Variants in FAM13A observed in about 807,000 individuals in gnomAD.
FAM13A encodes the protein family with sequence similarity 13 member A, also known as protein FAM13A.
Under a neutral mutation model 129.6 loss-of-function variants are expected in FAM13A, and 76 were observed. That is an observed-to-expected ratio of 0.59 (90% CI 0.49 to 0.71). The LOEUF is 0.71. Among genes scored for constraint, FAM13A ranks in the 30% least tolerant of loss-of-function variants. The pLI is 0.00. For missense variants in FAM13A, 1,108 were observed against 1,249.3 expected, an observed-to-expected ratio of 0.89 and a Z score of 1.70; for synonymous variants, 443 against 449.9, an observed-to-expected ratio of 0.98 and a Z score of 0.20.
chr4:88,909,485 G>A (rs973707655), intron 5 of FAM13A, among the ~76,000 whole-genome samples: 4 of 151,774 alleles, frequency 2.6e-5, no homozygotes, highest in African/African-American at 7.3e-5. Context: ...ATGTACATGA[G>A]GTTTTTTATT....
At chr4:88,830,756 A>T (rs943843244) in intron 7 of FAM13A, among the ~76,000 whole-genome samples, 2 of 152,120 alleles carry the variant, frequency 1.3e-5, no homozygotes, top group Non-Finnish European at 2.9e-5. Context: ...GTCAGTGAAG[A>T]GGGGAGGGAA....
intron 4 of FAM13A, among the ~76,000 whole-genome samples, chr4:88,967,801 C>A (rs1759542008): frequency 6.6e-6 from 1 of 152,098 alleles, no homozygotes; most frequent in South Asian, 2.1e-4. Flanking sequence ...GTAATGGGGA[C>A]AGAGAGGAAG....
chr4:89,052,681 T>A (rs1476352994), intron 1 of FAM13A, among the ~76,000 whole-genome samples: 1 of 152,082 alleles, frequency 6.6e-6, no homozygotes, highest in Non-Finnish European at 1.5e-5. Context: ...AATTTCCTTA[T>A]AAAACAATGG....
intron 8 of FAM13A, among the ~76,000 whole-genome samples, chr4:88,797,565 T>C (rs1055774779): frequency 1.7e-4 from 26 of 152,308 alleles, no homozygotes; most frequent in Admixed American, 5.2e-4. Flanking sequence ...GTGTCCAGCC[T>C]GTCACGTAGT....
At chr4:88,959,016 C>T (rs572006329) in intron 4 of FAM13A, among the ~76,000 whole-genome samples, 97 of 152,252 alleles carry the variant, frequency 6.4e-4, no homozygotes, top group Admixed American at 1.6e-3. Context: ...TTCACACTTG[C>T]TTTTGGTTGA....
chr4:88,994,328 C>A (rs1441665342), intron 3 of FAM13A, among the ~76,000 whole-genome samples: 1 of 152,282 alleles, frequency 6.6e-6, no homozygotes, highest in South Asian at 2.1e-4. Flanking sequence ...TATGTATCTG[C>A]ATTTTGTAAA....
chr4:88,764,735 A>G (rs1745417811), intron 13 of FAM13A, among the ~76,000 whole-genome samples: 1 of 152,166 alleles, frequency 6.6e-6, no homozygotes, highest in Non-Finnish European at 1.5e-5. Flanking sequence ...CCCAGATAGG[A>G]TATTTTATTA....
At position 88,916,973 on chromosome 4, in the gene FAM13A, G is replaced by T. The variant is rs527459670; in HGVS notation, c.760-10511C>A. Among the ~76,000 whole-genome samples, 38 of 152,276 alleles carry T rather than the reference G, an allele frequency of 2.5e-4. No homozygotes were observed. The South Asian group carries it at 7.9e-3, about 32-fold the overall frequency. ...TATTTTTAAAGCTCATAGAATACCA[G>T]CTGGCTAATAGGCATTCAATAAATG... On this transcript the variant is annotated intron_variant, in intron 5 of 23. Coordinates refer to ENST00000264344, the MANE Select transcript of FAM13A (RefSeq NM_014883.4).
intron 4 of FAM13A, among the ~76,000 whole-genome samples, chr4:88,974,572 G>C (rs569045339): frequency 1.1e-3 from 164 of 152,106 alleles, no homozygotes; most frequent in Non-Finnish European, 2.2e-3. Context: ...CCGCCTCCTG[G>C]GTTCATGCAA....
At chr4:88,907,541 A>T (rs538478485) in intron 5 of FAM13A, among the ~76,000 whole-genome samples, 1 of 152,364 alleles carries the variant, frequency 6.6e-6, no homozygotes, top group East Asian at 1.9e-4. Flanking sequence ...CTTATTATTA[A>T]TAAAGATTGA....
At chr4:88,977,994 T>C (rs891123428) in intron 4 of FAM13A, among the ~76,000 whole-genome samples, 1 of 152,182 alleles carries the variant, frequency 6.6e-6, no homozygotes, top group Non-Finnish European at 1.5e-5. Flanking sequence ...CAAGGAATAA[T>C]AGACTTCACA....
intron 5 of FAM13A, chr4:88,936,451 T>G (rs1034195320): frequency 2.6e-5 from 4 of 152,200 alleles, no homozygotes; most frequent in Admixed American, 6.5e-5. Context: ...GCCACACACT[T>G]TTAAACAAGC....
At chr4:88,962,372 A>G (rs2148919693) in intron 4 of FAM13A, among the ~76,000 whole-genome samples, 1 of 152,352 alleles carries the variant, frequency 6.6e-6, no homozygotes, top group South Asian at 2.1e-4. Context: ...GGGATTTACT[A>G]AAGGAGAGTC....
intron 4 of FAM13A, among the ~76,000 whole-genome samples, chr4:88,940,030 G>C (rs184288260): frequency 8.3e-4 from 126 of 152,330 alleles, no homozygotes; most frequent in Non-Finnish European, 1.5e-3. Context: ...CCAGATTCCT[G>C]ACCCCTAGAA....
At chr4:88,951,626 A>G (rs977244877) in intron 4 of FAM13A, among the ~76,000 whole-genome samples, 2 of 152,154 alleles carry the variant, frequency 1.3e-5, no homozygotes, top group African/African-American at 4.8e-5. Context: ...AGACATAACA[A>G]TACATTTTCA....
chr4:89,056,888 T>C (rs973453854), intron 1 of FAM13A, 50 bp downstream of exon 1: 5 of 1,566,682 alleles, frequency 3.2e-6, no homozygotes, highest in African/African-American at 1.4e-5. Context: ...CAAGGCCCTC[T>C]CCTAAAAACT....
At chr4:88,792,574 A>G (rs551266752) in intron 8 of FAM13A, among the ~76,000 whole-genome samples, 1 of 152,166 alleles carries the variant, frequency 6.6e-6, no homozygotes, top group East Asian at 1.9e-4. Flanking sequence ...TACCCTCTGT[A>G]AATTCAACAA....
chr4:88,728,190 A>G lies in FAM13A; in HGVS notation c.*343T>C. The G allele has an allele frequency of 3.8e-6, 1 of 262,072 alleles. No homozygotes were observed. Among genetic ancestry groups the G allele is most frequent in the Non-Finnish European group, 7.4e-6 (1 of 134,988 alleles). 16.2% of individuals were successfully genotyped at this position (262,072 alleles called of 1,614,324 possible). A position where few individuals can be genotyped will look rare whatever the true frequency, so the allele number is the denominator to read the frequency against. On this transcript the variant is annotated 3_prime_UTR_variant, in exon 24 of 24. Coordinates refer to ENST00000264344, the MANE Select transcript of FAM13A (RefSeq NM_014883.4). ...TCAGTTATCCAGGGAAGAACAGTGT[A>G]TATTCTCTGTAGATGAGTGTTGTCT...
chr4:88,812,498 C>T (rs1287383118), intron 7 of FAM13A, among the ~76,000 whole-genome samples: 1 of 152,140 alleles, frequency 6.6e-6, no homozygotes, highest in Admixed American at 6.5e-5. Flanking sequence ...TGCACTTTTG[C>T]AACTCTTTCC....
Sources: allele counts gnomAD v4.1 joint callset (sites outside exome capture counted in the v4.1 genomes callset), GRCh38; gene constraint gnomAD v4.1.1; transcripts MANE v1.5; gene names NCBI Gene and HGNC (gene_info 2026-07-23, HGNC 2026-07-21).